Variants in KIRREL3 observed in about 807,000 individuals in gnomAD.
KIRREL3 encodes the protein kirre like nephrin family adhesion molecule 3, also known as kin of IRRE-like protein 3.
A neutral mutation model predicts 89.7 loss-of-function variants in KIRREL3; 36 were observed. The observed-to-expected ratio is 0.40, with a 90% confidence interval of 0.31 to 0.53. The LOEUF is 0.53. KIRREL3 is among the 20% of genes least tolerant of loss of function. KIRREL3 has a pLI of 0.49. For missense variants in KIRREL3, 864 were observed against 1,056.6 expected (o/e 0.82, Z 2.53); for synonymous variants, 445 against 441.4 (o/e 1.01, Z -0.10).
rs985792269 is a variant in KIRREL3 at position 126,808,277 on chromosome 11, G to T, written c.55+192178C>A. 9.2e-5 allele frequency among the ~76,000 whole-genome samples: 14 copies of T among 152,190 alleles called. No homozygotes were observed. The highest frequency in any genetic ancestry group is 3.4e-4 in the African/African-American group (14 of 41,462). ...GAGAATACTTATTTGAAAATTAAAT[G>T]TCTTCACTTCTTTTCCAGGAGGCTC... On this transcript the variant is annotated intron_variant, in intron 1 of 16. Transcript: ENST00000525144. This position sits in a 1 kb window ranked among gnomAD's most constrained non-coding sequence, Gnocchi z 4.1.
chr11:126,708,567 C>T lies in KIRREL3; in HGVS notation c.56-145655G>A, dbSNP rs369594269. Among the ~76,000 whole-genome samples the T allele has an allele frequency of 3.3e-5, 5 of 152,112 alleles. No individual in the cohort carries two copies. The highest frequency in any genetic ancestry group is 7.4e-5 in the Non-Finnish European group (5 of 68,008). On this transcript the variant is annotated intron_variant, in intron 1 of 16. Transcript: ENST00000525144. This position sits in a 1 kb window ranked among gnomAD's most constrained non-coding sequence, Gnocchi z 5.7. ...CAGCTTCATTAACAAGTTGCTGTTC[C>T]GACGTGGGCTCCGGGGTGGGGAAGG...
At chr11:126,660,625 CCA>C (rs10561695) in intron 1 of KIRREL3, among the ~76,000 whole-genome samples, 112,187 of 151,754 alleles carry the variant, frequency 0.74, 42,229 homozygotes, top group East Asian at 1. Flanking sequence ...GGTTGAATGC[CCA>C]CATTGGAGGA....
In KIRREL3 at chr11:126,755,311, G is replaced by A. The variant is rs112765063; in HGVS notation, c.56-192399C>T. Among the ~76,000 whole-genome samples the A allele has an allele frequency of 1.3e-5, 2 of 152,150 alleles. No homozygotes were observed. The highest frequency in any genetic ancestry group is 2.9e-5 in the Non-Finnish European group (2 of 68,036). The stretch of plus-strand genomic sequence containing the variant: ...CTCTTGATCCCTTGCACCAGGCTGG[G>A]TGGAGAAGTTCATTATAATTTTAGC... On this transcript the variant is annotated intron_variant, in intron 1 of 16. Coordinates refer to ENST00000525144, the MANE Select transcript of KIRREL3 (RefSeq NM_032531.4). The surrounding 1 kb of genome is among the most constrained non-coding windows in gnomAD (Gnocchi z 4.3).
chr11:126,907,483 G>A (rs1793655), intron 1 of KIRREL3, among the ~76,000 whole-genome samples: 1 of 152,076 alleles, frequency 6.6e-6, no homozygotes, highest in African/African-American at 2.4e-5. Context: ...GAAAAAGATG[G>A]CTTGCAGACG....
Position 126,830,661 on chromosome 11 carries a change from T to C in KIRREL3, c.55+169794A>G, listed in dbSNP as rs1943575735. Among the ~76,000 whole-genome samples, 2 of 152,204 alleles carry C rather than the reference T, an allele frequency of 1.3e-5. No individual in the cohort carries two copies. The highest frequency in any genetic ancestry group is 4.1e-4 in the South Asian group (2 of 4,826). On this transcript the variant is annotated intron_variant, in intron 1 of 16. Transcript: ENST00000525144. This position sits in a 1 kb window ranked among gnomAD's most constrained non-coding sequence, Gnocchi z 4.9. The stretch of plus-strand genomic sequence containing the variant: ...GACAGGCAGGCACTTAGGAAGGTGT[T>C]CGTGCCAGACGCATTCATTGTCTAA...
rs754793851 is a variant in KIRREL3, at chr11:126,445,052, C to T, written c.1179G>A (p.Ala393=). 5.3e-5 allele frequency: 86 copies of T among 1,613,902 alleles called. No individual in the cohort carries two copies. The highest frequency in any genetic ancestry group is 7.0e-5 in the Non-Finnish European group (83 of 1,179,906). ...LTLKSVRQED[A]GKYVCRAVVP... ...CCACAGCCCGGCACACGTACTTGCC[C>T]GCGTCCTCCTGGCGCACGGATTTGA... Residue 393 remains alanine, a synonymous_variant, in exon 10 of 17, where the codon GCG becomes GCA. Transcript: ENST00000525144.
In KIRREL3 at chr11:126,919,100, A is replaced by G. The variant is rs1241460303; in HGVS notation, c.55+81355T>C. ...AAGGAGATATGATTTTTTAACATCA[A>G]CTTAGGTTTTCATACCTTTCAAGTG... On this transcript the variant is annotated intron_variant, in intron 1 of 16. Transcript: ENST00000525144. 2.2e-4 allele frequency among the ~76,000 whole-genome samples: 34 copies of G among 151,960 alleles called. 1 individual carries two copies.
rs1003458922 is a variant in KIRREL3 at position 126,867,231 on chromosome 11, T to C, written c.55+133224A>G. On this transcript the variant is annotated intron_variant, in intron 1 of 16. Transcript: ENST00000525144. The surrounding 1 kb of genome is among the most constrained non-coding windows in gnomAD (Gnocchi z 4.7). ...ATCTATGCAGCGAGCCACACTCCTA[T>C]CACACAGCCTGCCATGGGGATAAAG... is the stretch of plus-strand genomic sequence containing the variant. Among the ~76,000 whole-genome samples the C allele has an allele frequency of 6.6e-6, 1 of 152,224 alleles. No homozygotes were observed. Among genetic ancestry groups the C allele is most frequent in the Non-Finnish European group, 1.5e-5 (1 of 68,034 alleles).
intron 1 of KIRREL3, among the ~76,000 whole-genome samples, chr11:126,630,150 G>A (rs550650808): frequency 1.5e-4 from 23 of 152,304 alleles, no homozygotes; most frequent in African/African-American, 5.5e-4. Flanking sequence ...GACGGACTGG[G>A]TTTGGAAAAG....
In KIRREL3 at chr11:126,606,785, C is replaced by T. The variant is rs1158948052; in HGVS notation, c.56-43873G>A. 6.6e-6 allele frequency among the ~76,000 whole-genome samples: 1 copy of T among 152,164 alleles called. No homozygotes were observed. Among genetic ancestry groups the T allele is most frequent in the Non-Finnish European group, 1.5e-5 (1 of 68,038 alleles). The stretch of plus-strand genomic sequence containing the variant: ...GGGGCCTTAAAACATCCCTAAGTGC[C>T]ATACCTCTACATGCTGGCCTTCTTC... On this transcript the variant is annotated intron_variant, in intron 1 of 16. Transcript: ENST00000525144. This position sits in a 1 kb window ranked among gnomAD's most constrained non-coding sequence, Gnocchi z 4.6.
At position 126,970,252 on chromosome 11, in the gene KIRREL3, T is replaced by C. The variant is rs1949393823; in HGVS notation, c.55+30203A>G. On this transcript the variant is annotated intron_variant, in intron 1 of 16. Transcript: ENST00000525144. This position sits in a 1 kb window ranked among gnomAD's most constrained non-coding sequence, Gnocchi z 4.4. The stretch of plus-strand genomic sequence containing the variant: ...GTATTTTTACTCATTTCCTTTGGTT[T>C]CCTTTTTGTTTTTCTTAATTTGAGC... Among the ~76,000 whole-genome samples, 1 of 152,248 alleles carries C rather than the reference T, an allele frequency of 6.6e-6. No homozygotes were observed. The highest frequency in any genetic ancestry group is 6.5e-5 in the Admixed American group (1 of 15,288).
intron 1 of KIRREL3, among the ~76,000 whole-genome samples, chr11:126,789,010 C>T (rs1250313702): frequency 2.0e-5 from 3 of 152,142 alleles, no homozygotes; most frequent in Non-Finnish European, 2.9e-5. Flanking sequence ...TGTGCCCTTC[C>T]TTCCTGCTCC....
intron 1 of KIRREL3, among the ~76,000 whole-genome samples, chr11:126,583,594 C>T (rs548319672): frequency 2.0e-5 from 3 of 152,338 alleles, no homozygotes; most frequent in South Asian, 2.1e-4. Flanking sequence ...CAAATCCCAG[C>T]GTTGTCACTT....
rs147403768 is a variant in KIRREL3 at position 126,431,078 on chromosome 11, G to C, written c.1696+341C>G. 14,421 of 1,371,300 alleles carry C rather than the reference G, an allele frequency of 0.011. 101 individuals carry two copies. The highest frequency in any genetic ancestry group is 0.012 in the Non-Finnish European group (13,206 of 1,064,394). The allele number at this position is 1,371,300 out of a possible 1,614,324, so 84.9% of individuals were successfully genotyped here. A position where few individuals can be genotyped will look rare whatever the true frequency, so the allele number is the denominator to read the frequency against. The stretch of plus-strand genomic sequence containing the variant: ...GAGATGGGGTCTCTCTAGACTAACA[G>C]CTCTTGTAGAGCAAGGATCAAACCA... On this transcript the variant is annotated intron_variant, in intron 14 of 16. Coordinates refer to ENST00000525144, the MANE Select transcript of KIRREL3 (RefSeq NM_032531.4). The surrounding 1 kb of genome is among the most constrained non-coding windows in gnomAD (Gnocchi z 7.1).
rs566742059 is a variant in KIRREL3 at position 126,555,603 on chromosome 11, C to T, written c.133+7232G>A. On this transcript the variant is annotated intron_variant, in intron 2 of 16. Coordinates refer to ENST00000525144, the MANE Select transcript of KIRREL3 (RefSeq NM_032531.4). The surrounding 1 kb of genome is among the most constrained non-coding windows in gnomAD (Gnocchi z 4.2). ...ACAGGGAGCAGGGTAGACACAGGCC[C>T]TATGACAGGGGCCCTGCTTGAGGAG... Among the ~76,000 whole-genome samples, 72 of 152,234 alleles carry T rather than the reference C, an allele frequency of 4.7e-4. No homozygotes were observed. Among genetic ancestry groups the T allele is most frequent in the Admixed American group, 8.5e-4 (13 of 15,298 alleles).
Position 126,608,680 on chromosome 11 carries a change from G to A in KIRREL3, c.56-45768C>T, listed in dbSNP as rs543887911. ...CCCTTCCCAGCCCTCCCTGGCTAAG[G>A]GATGGTGGTCCCAGAGGCACTGAGG... On this transcript the variant is annotated intron_variant, in intron 1 of 16. Transcript: ENST00000525144. This position sits in a 1 kb window ranked among gnomAD's most constrained non-coding sequence, Gnocchi z 4.9. 2.0e-5 allele frequency among the ~76,000 whole-genome samples: 3 copies of A among 152,338 alleles called. No individual in the cohort carries two copies. The highest frequency in any genetic ancestry group is 4.8e-5 in the African/African-American group (2 of 41,590).
chr11:126,823,682 C>T (rs927232497), intron 1 of KIRREL3, among the ~76,000 whole-genome samples: 2 of 152,190 alleles, frequency 1.3e-5, no homozygotes, highest in African/African-American at 2.4e-5. Context: ...GCTTCTCTAT[C>T]TGCCATCTTT....
At chr11:126,707,246 CT>C (rs33983436) in intron 1 of KIRREL3, among the ~76,000 whole-genome samples, 73,708 of 112,416 alleles carry the variant, frequency 0.66, 22,079 homozygotes, top group East Asian at 0.87. Flanking sequence ...TTGTCCATGG[CT>C]TTTTTTTTTT....
In KIRREL3 at chr11:126,981,531, G is replaced by A. The variant is rs1315104852; in HGVS notation, c.55+18924C>T. 6.6e-6 allele frequency among the ~76,000 whole-genome samples: 1 copy of A among 152,198 alleles called. No homozygotes were observed. The highest frequency in any genetic ancestry group is 2.4e-5 in the African/African-American group (1 of 41,448). On this transcript the variant is annotated intron_variant, in intron 1 of 16. Transcript: ENST00000525144. This position sits in a 1 kb window ranked among gnomAD's most constrained non-coding sequence, Gnocchi z 4.2. ...CTAAACACATGGTCCCTGTTTCACT[G>A]AAATGAGATCTGCCTCTACCACCCG...
Sources: allele counts gnomAD v4.1 joint callset (sites outside exome capture counted in the v4.1 genomes callset), GRCh38; gene constraint gnomAD v4.1.1; non-coding constraint Gnocchi (gnomAD v3.1); transcripts MANE v1.5; gene names NCBI Gene and HGNC (gene_info 2026-07-23, HGNC 2026-07-21).